NEDD4L: variants seen among roughly 807,000 people sequenced by gnomAD.
NEDD4L encodes the protein NEDD4 like E3 ubiquitin protein ligase.
NEDD4L carries 54 observed loss-of-function variants against 148.9 expected under a neutral mutation model. The ratio of observed to expected loss-of-function variants is 0.36; its 90% CI spans 0.29 to 0.45. NEDD4L has a LOEUF of 0.45. Among genes scored for constraint, NEDD4L ranks in the 20% least tolerant of loss-of-function variants. NEDD4L has a pLI of 1.00. For synonymous variants in NEDD4L, 433 were observed against 440.7 expected (o/e 0.98, Z 0.22); for missense variants, 856 against 1,233.8 (o/e 0.69, Z 4.59).
intron 1 of NEDD4L, among the ~76,000 whole-genome samples, chr18:58,160,785 A>G (rs1381436713): frequency 6.6e-6 from 1 of 152,210 alleles, no homozygotes; most frequent in African/African-American, 2.4e-5. Flanking sequence ...AAGATAAGAC[A>G]TTTTTGCTGT....
At chr18:58,129,486 T>C (rs2031695623) in intron 1 of NEDD4L, among the ~76,000 whole-genome samples, 1 of 152,230 alleles carries the variant, frequency 6.6e-6, no homozygotes, top group Admixed American at 6.5e-5. Flanking sequence ...TCCACTAAAA[T>C]AGAGCACCCA....
chr18:58,136,356 T>A (rs1330349075), intron 1 of NEDD4L, among the ~76,000 whole-genome samples: 1 of 152,208 alleles, frequency 6.6e-6, no homozygotes, highest in Admixed American at 6.5e-5. Flanking sequence ...AATTACAAAT[T>A]GTCTGCTTGC....
intron 2 of NEDD4L, among the ~76,000 whole-genome samples, chr18:58,190,638 GTC>G (rs1199803724): frequency 6.6e-6 from 1 of 152,142 alleles, no homozygotes; most frequent in Non-Finnish European, 1.5e-5. Context: ...GTGTAAGTGT[GTC>G]TGTATACAGG....
intron 1 of NEDD4L, among the ~76,000 whole-genome samples, chr18:58,051,143 G>A (rs1348376639): frequency 1.5e-4 from 23 of 152,184 alleles, no homozygotes. Context: ...CTGTGGTCCT[G>A]GCTGCTGGGG....
Position 58,142,253 on chromosome 18 carries a change from T to G in NEDD4L, c.49-23535T>G, listed in dbSNP as rs917864873. ...TTTGTAGAGACGGGATTTCACTGTG[T>G]TAGCCCGTACGGTCTCGATCTTTTG... On this transcript the variant is annotated intron_variant, in intron 1 of 30. Transcript: ENST00000400345. 4.6e-5 allele frequency among the ~76,000 whole-genome samples: 7 copies of G among 151,898 alleles called. No homozygotes were observed. In the East Asian group the frequency reaches 1.4e-3, roughly 29 times the overall value.
At chr18:58,135,057 C>T (rs1327406314) in intron 1 of NEDD4L, among the ~76,000 whole-genome samples, 1 of 139,612 alleles carries the variant, frequency 7.2e-6, no homozygotes, top group Non-Finnish European at 1.6e-5. Flanking sequence ...TCAAGGGTTT[C>T]ACATTTTCTT....
chr18:58,255,357 G>T (rs2048387159), intron 5 of NEDD4L: 3 of 366,180 alleles, frequency 8.2e-6, no homozygotes, highest in Admixed American at 5.0e-5. Context: ...ACTCCTCTAA[G>T]TCCAGAAGCT....
At chr18:58,324,877 A>G (rs918140652) in intron 8 of NEDD4L, 119 bp from the exon 9 acceptor site, 6 of 906,560 alleles carry the variant, frequency 6.6e-6, no homozygotes, top group African/African-American at 5.0e-5. Flanking sequence ...CCCCGAAGCC[A>G]TGGCTAGAGC....
At chr18:58,159,204 G>A (rs1212112286) in intron 1 of NEDD4L, among the ~76,000 whole-genome samples, 4 of 151,998 alleles carry the variant, frequency 2.6e-5, no homozygotes, top group Admixed American at 6.6e-5. Flanking sequence ...GGGTGGGGAC[G>A]CAATAGGACA....
intron 5 of NEDD4L, among the ~76,000 whole-genome samples, chr18:58,310,030 G>GCTCTCA (rs1426566898): frequency 3.9e-5 from 6 of 152,056 alleles, no homozygotes; most frequent in Admixed American, 6.5e-5. Context: ...TCTCGCTCTC[G>GCTCTCA]CTCTCACTCT....
intron 2 of NEDD4L, among the ~76,000 whole-genome samples, chr18:58,204,597 C>G (rs1487952279): frequency 6.6e-6 from 1 of 152,128 alleles, no homozygotes; most frequent in Admixed American, 6.5e-5. Flanking sequence ...AATGAGCAGG[C>G]GTCTAAGTAA....
chr18:58,299,755 G>A (rs778918368), intron 5 of NEDD4L, among the ~76,000 whole-genome samples: 3 of 152,134 alleles, frequency 2.0e-5, no homozygotes, highest in Non-Finnish European at 4.4e-5. Flanking sequence ...TTTCAAAAAG[G>A]CTTTCCGGTG....
intron 5 of NEDD4L, among the ~76,000 whole-genome samples, chr18:58,291,181 G>A (rs774687117): frequency 9.3e-5 from 14 of 151,196 alleles, no homozygotes; most frequent in African/African-American, 1.2e-4. Flanking sequence ...GAACCAGGCC[G>A]ACCAACCCAC....
intron 2 of NEDD4L, among the ~76,000 whole-genome samples, chr18:58,243,346 A>G (rs979931071): frequency 6.6e-6 from 1 of 152,238 alleles, no homozygotes; most frequent in Admixed American, 6.5e-5. Context: ...TTTATAAGCA[A>G]TAGATTGTGG....
intron 9 of NEDD4L, among the ~76,000 whole-genome samples, chr18:58,328,709 T>G (rs2059533022): frequency 6.6e-6 from 1 of 152,196 alleles, no homozygotes; most frequent in Non-Finnish European, 1.5e-5. Context: ...TGATTTCTGT[T>G]TTTTATTAAA....
At chr18:58,221,922 A>T (rs1180707311) in intron 2 of NEDD4L, among the ~76,000 whole-genome samples, 1 of 152,182 alleles carries the variant, frequency 6.6e-6, no homozygotes, top group African/African-American at 2.4e-5. Context: ...AGTTAGCTAT[A>T]ATTGGTCAAT....
intron 16 of NEDD4L, among the ~76,000 whole-genome samples, chr18:58,348,322 T>TTTTC: frequency 7.5e-6 from 1 of 134,012 alleles, no homozygotes; most frequent in African/African-American, 3.2e-5. Flanking sequence ...TTTTTCTTTT[T>TTTTC]TTTCTTTTTT....
At chr18:58,123,420 C>A (rs1439923112) in intron 1 of NEDD4L, among the ~76,000 whole-genome samples, 1 of 152,188 alleles carries the variant, frequency 6.6e-6, no homozygotes, top group Non-Finnish European at 1.5e-5. Flanking sequence ...GACCCACCAC[C>A]TTTTCACCCC....
intron 5 of NEDD4L, among the ~76,000 whole-genome samples, chr18:58,262,295 C>A (rs749276765): frequency 6.6e-6 from 1 of 152,150 alleles, no homozygotes; most frequent in Non-Finnish European, 1.5e-5. Flanking sequence ...ATTCCAGTGC[C>A]AGGCCCTGGA....
Sources: gnomAD v4.1 joint callset for allele counts (sites outside exome capture counted in the v4.1 genomes callset) on GRCh38, gnomAD v4.1.1 for gene constraint, MANE v1.5 for transcripts, NCBI Gene and HGNC (gene_info 2026-07-23, HGNC 2026-07-21) for gene names.